Variants in SLC25A26 observed in about 807,000 individuals in gnomAD.
The protein encoded by SLC25A26 is mitochondrial S-adenosylmethionine carrier protein.
In SLC25A26, 36 loss-of-function variants were observed where a neutral mutation model predicts 37.8. The ratio of observed to expected loss-of-function variants is 0.95; its 90% CI spans 0.73 to 1.26. The LOEUF (loss-of-function observed/expected upper bound fraction) is 1.26. Ranked by LOEUF, SLC25A26 falls within the 50% of genes most tolerant of loss-of-function variation. SLC25A26 has a pLI of 0.00. For synonymous variants in SLC25A26, 129 were observed against 122.5 expected, an observed-to-expected ratio of 1.05 and a Z score of -0.35; for missense variants, 390 against 331.1, an observed-to-expected ratio of 1.18 and a Z score of -1.38.
intron 3 of SLC25A26, among the ~76,000 whole-genome samples, chr3:66,251,800 T>C (rs1377558979): frequency 6.6e-6 from 1 of 152,220 alleles, no homozygotes; most frequent in Admixed American, 6.5e-5. Flanking sequence ...TCAGATTGTT[T>C]TCTGTTGTAT....
intron 3 of SLC25A26, among the ~76,000 whole-genome samples, chr3:66,252,697 C>T (rs929405487): frequency 2.0e-5 from 3 of 152,164 alleles, no homozygotes; most frequent in African/African-American, 2.4e-5. Flanking sequence ...GAATGCGGCA[C>T]GTTTTTAGAA....
chr3:66,193,991 G>A (rs1245588410), intron 1 of SLC25A26, among the ~76,000 whole-genome samples: 4 of 152,130 alleles, frequency 2.6e-5, no homozygotes, highest in Non-Finnish European at 5.9e-5. Flanking sequence ...GGAGCTTAAC[G>A]AAAATTCTTC....
rs1388611186 is a variant in SLC25A26 at position 66,262,115 on chromosome 3, C to T, written c.365C>T (p.Thr122Ile). 2 of 1,581,610 alleles carry T rather than the reference C, an allele frequency of 1.3e-6. No individual in the cohort carries two copies. The highest frequency in any genetic ancestry group is 1.2e-5 in the South Asian group (1 of 85,376). The change falls in exon 4 of 10, where the codon ACA becomes ATA. Residue 122 changes from threonine (T) to isoleucine (I), a missense_variant. Thr to Ile is a moderately conservative substitution (Grantham distance 89). Coordinates refer to ENST00000354883, the MANE Select transcript of SLC25A26 (RefSeq NM_001379210.1). The stretch of plus-strand genomic sequence containing the variant: ...CAGAGGGCACAGGTATCTGCTTCTA[C>T]AAGAACATTTCAGATTTTCTCTAAC... ...VKQRAQVSAS[T>I]RTFQIFSNIL...
At chr3:66,226,340 C>A (rs947870360) in intron 1 of SLC25A26, among the ~76,000 whole-genome samples, 10 of 152,170 alleles carry the variant, frequency 6.6e-5, no homozygotes, top group African/African-American at 2.4e-4. Flanking sequence ...ATCACCAGAA[C>A]AGAATGGGAA....
chr3:66,371,058 G>T (rs1700320475), intron 9 of SLC25A26: 1 of 1,242,636 alleles, frequency 8.0e-7, no homozygotes, highest in South Asian at 2.0e-5. Context: ...GAACCATTGT[G>T]CTACAGAAGT....
intron 1 of SLC25A26, among the ~76,000 whole-genome samples, chr3:66,194,954 C>A: frequency 6.6e-6 from 1 of 152,178 alleles, no homozygotes; most frequent in South Asian, 2.1e-4. Context: ...CCTGGGGTCC[C>A]CACCCAGCCA....
At chr3:66,199,115 C>T (rs1268352946) in intron 1 of SLC25A26, among the ~76,000 whole-genome samples, 3 of 152,000 alleles carry the variant, frequency 2.0e-5, no homozygotes. Context: ...CACCCTGACA[C>T]TGTCTCTCAT....
chr3:66,361,701 C>T (rs1162832474), intron 6 of SLC25A26, among the ~76,000 whole-genome samples: 2 of 152,192 alleles, frequency 1.3e-5, no homozygotes, highest in African/African-American at 2.4e-5. Context: ...CGGTGGCTCA[C>T]ACCTGTAATC....
chr3:66,365,467 TG>T (rs1177875607), intron 7 of SLC25A26, among the ~76,000 whole-genome samples: 2 of 152,208 alleles, frequency 1.3e-5, no homozygotes, highest in African/African-American at 4.8e-5. Context: ...GCAACTTCCT[TG>T]CTTCGAGTTA....
rs140737303 is a variant in SLC25A26, at chr3:66,332,387, T to C, written c.454-13977T>C. On this transcript the variant is annotated intron_variant, in intron 5 of 9. Transcript: ENST00000354883. ...ATCTGTTTTGTTTCAAGTATTCTTA[T>C]TTAGAATTTATTACATGTTGCTATA... Among the ~76,000 whole-genome samples the C allele has an allele frequency of 3.0e-3, 455 of 152,296 alleles. 3 individuals are homozygous for C. The highest frequency in any genetic ancestry group is 0.016 in the East Asian group (85 of 5,190).
In SLC25A26 at chr3:66,306,903, T is replaced by A. The variant is rs142430151; in HGVS notation, c.454-39461T>A. On this transcript the variant is annotated intron_variant, in intron 5 of 9. Coordinates refer to ENST00000354883, the MANE Select transcript of SLC25A26 (RefSeq NM_001379210.1). ...TGCCACATTTTCTTTATCCAGTCTA[T>A]CATTGATGGGCATTTGGGTTGGTTC... 4.9e-3 allele frequency among the ~76,000 whole-genome samples: 745 copies of A among 152,310 alleles called. 10 individuals are homozygous for A. Among genetic ancestry groups the A allele is most frequent in the African/African-American group, 0.017 (699 of 41,570 alleles).
intron 5 of SLC25A26, among the ~76,000 whole-genome samples, chr3:66,297,735 C>T (rs2074950118): frequency 1.3e-5 from 2 of 152,186 alleles, no homozygotes; most frequent in African/African-American, 4.8e-5. Context: ...ACAACAGTGG[C>T]AGAGTTGAGT....
chr3:66,198,256 C>G (rs1368358432), intron 1 of SLC25A26, among the ~76,000 whole-genome samples: 6 of 151,968 alleles, frequency 3.9e-5, no homozygotes, highest in Middle Eastern at 3.2e-3. Flanking sequence ...CAAGTTGACC[C>G]CTCAAACTTA....
chr3:66,369,350 C>T (rs1046158363), intron 7 of SLC25A26, 128 bp from the exon 8 acceptor site: 8 of 725,008 alleles, frequency 1.1e-5, no homozygotes, highest in Admixed American at 2.2e-5. Flanking sequence ...TGCATGTGTG[C>T]ATCCTGTTCT....
intron 1 of SLC25A26, among the ~76,000 whole-genome samples, chr3:66,225,671 C>A (rs879679618): frequency 2.0e-4 from 31 of 152,182 alleles, no homozygotes; most frequent in Non-Finnish European, 4.0e-4. Flanking sequence ...TTCTTTTTTA[C>A]CGCATCATCA....
At chr3:66,328,359 A>G (rs1439426885) in intron 5 of SLC25A26, among the ~76,000 whole-genome samples, 1 of 152,232 alleles carries the variant, frequency 6.6e-6, no homozygotes, top group Non-Finnish European at 1.5e-5. Flanking sequence ...GGCACTCCTC[A>G]CGTGAATCAG....
chr3:66,278,994 A>AT lies in SLC25A26; in HGVS notation c.453+15624dup, dbSNP rs1039283844. Among the ~76,000 whole-genome samples the AT allele has an allele frequency of 1.4e-4, 21 of 151,580 alleles. 1 individual carries two copies. Among genetic ancestry groups the AT allele is most frequent in the South Asian group, 2.1e-4 (1 of 4,812 alleles). ...AGACCATGTAGTGTGCTAAGGCTGT[A>AT]TTTTTTTTTGTGTGTGGGACTTACA... On this transcript the variant is annotated intron_variant, in intron 5 of 9. Transcript: ENST00000354883.
In SLC25A26 at chr3:66,221,009, C is replaced by A; in HGVS notation, c.-86C>A. The A allele has an allele frequency of 6.9e-7, 1 of 1,440,084 alleles. No homozygotes were observed. The highest frequency in any genetic ancestry group is 9.4e-7 in the Non-Finnish European group (1 of 1,059,014). 89.2% of individuals were successfully genotyped at this position (1,440,084 alleles called of 1,614,324 possible). ...TCCCGGAAGTTCAAGACAGACCCGC[C>A]TCAAACATGGCGGCGCCCAGCGCGC... is the stretch of plus-strand genomic sequence containing the variant. On this transcript the variant is annotated 5_prime_UTR_variant, in exon 1 of 10. Coordinates refer to ENST00000354883, the MANE Select transcript of SLC25A26 (RefSeq NM_001379210.1).
At chr3:66,216,912 G>A (rs1227855190), upstream of SLC25A26, among the ~76,000 whole-genome samples, 7 of 152,264 alleles carry the variant, frequency 4.6e-5, no homozygotes, top group Admixed American at 3.9e-4. Context: ...GCATGCACAA[G>A]TAGTAATGAG....
Sources: allele counts gnomAD v4.1 joint callset (sites outside exome capture counted in the v4.1 genomes callset), GRCh38; gene constraint gnomAD v4.1.1; transcripts MANE v1.5; gene names NCBI Gene and HGNC (gene_info 2026-07-23, HGNC 2026-07-21).